EMC3: variants seen among roughly 807,000 people sequenced by gnomAD.
EMC3 encodes the protein ER membrane protein complex subunit 3, also known as 30 kDa protein.
A neutral mutation model predicts 36.6 loss-of-function variants in EMC3; 13 were observed. The ratio of observed to expected loss-of-function variants is 0.35; its 90% CI spans 0.23 to 0.56. The LOEUF (loss-of-function observed/expected upper bound fraction) is 0.56. EMC3 is among the 20% of genes least tolerant of loss of function. The pLI is 0.84. For missense variants in EMC3, 220 were observed against 324.5 expected (o/e 0.68, Z 2.47); for synonymous variants, 120 against 111.9 (o/e 1.07, Z -0.46).
intron 1 of EMC3, among the ~76,000 whole-genome samples, chr3:9,981,274 G>A (rs1045743919): frequency 6.6e-6 from 1 of 152,138 alleles, no homozygotes; most frequent in Non-Finnish European, 1.5e-5. Context: ...TCCAGTCTAC[G>A]ATAACTCAAG....
At chr3:9,969,478 A>G (rs2085763572) in intron 7 of EMC3, 1 of 1,400,650 alleles carries the variant, frequency 7.1e-7, no homozygotes, top group Admixed American at 2.8e-5. Flanking sequence ...TTACAGCATC[A>G]TTGATAGTGT....
At chr3:10,008,212 C>A (rs1230791703) in intron 1 of EMC3, 2 of 374,182 alleles carry the variant, frequency 5.3e-6, no homozygotes, top group Non-Finnish European at 1.1e-5. Flanking sequence ...ATTCCCCAGG[C>A]GTGGCTTTTA....
chr3:9,987,156 G>C (rs2085985125), upstream of EMC3: 1 of 876,168 alleles, frequency 1.1e-6, no homozygotes, highest in South Asian at 5.0e-5. Flanking sequence ...GGAGCCTGCA[G>C]TGAGCCGAGA....
At chr3:9,974,573 T>G (rs1208660053) in intron 3 of EMC3, 85 bp from the exon 4 acceptor site, 2 of 944,974 alleles carry the variant, frequency 2.1e-6, no homozygotes, top group African/African-American at 3.3e-5. Flanking sequence ...AACTGTTTTT[T>G]TTTGAGACGG....
At chr3:9,973,364 T>G in intron 5 of EMC3, 1 of 288,322 alleles carries the variant, frequency 3.5e-6, no homozygotes. Flanking sequence ...CTGGCTAAGT[T>G]TTTGTATTTT....
At chr3:9,985,871 G>A (rs2085965663) in intron 1 of EMC3, among the ~76,000 whole-genome samples, 2 of 152,160 alleles carry the variant, frequency 1.3e-5, no homozygotes, top group Non-Finnish European at 2.9e-5. Flanking sequence ...TCCAGCCTGG[G>A]CAACGAGAGC....
chr3:9,995,002 C>T (rs909916632), intron 1 of EMC3, among the ~76,000 whole-genome samples: 1 of 151,704 alleles, frequency 6.6e-6, no homozygotes, highest in Non-Finnish European at 1.5e-5. Flanking sequence ...AATGTTAAAA[C>T]GCATCTGAAT....
rs80142883 is a variant in EMC3 at position 9,964,057 on chromosome 3, C to T, written c.*12G>A. 25,222 of 1,613,758 alleles carry T rather than the reference C, an allele frequency of 0.016. 305 individuals are homozygous for T. Among genetic ancestry groups the T allele is most frequent in the South Asian group, 0.044 (4,002 of 91,032 alleles). On this transcript the variant is annotated 3_prime_UTR_variant, in exon 8 of 8. Transcript: ENST00000245046. ...CTCCAAGTTCCTGACACAGCTAATC[C>T]CTGCTCGGTCTTCAAAAAATAGAGG...
intron 7 of EMC3, among the ~76,000 whole-genome samples, chr3:9,967,972 A>T (rs1449958097): frequency 6.6e-6 from 1 of 152,174 alleles, no homozygotes; most frequent in East Asian, 1.9e-4. Context: ...ACCAGGCTGG[A>T]GTCTAGTGGC....
At chr3:9,996,306 G>A (rs1341087668) in intron 1 of EMC3, among the ~76,000 whole-genome samples, 2 of 152,078 alleles carry the variant, frequency 1.3e-5, no homozygotes, top group Non-Finnish European at 2.9e-5. Flanking sequence ...TTAGCCAGGT[G>A]TGGTGGCACA....
chr3:10,007,473 G>A (rs1171934337), intron 1 of EMC3: 1 of 1,367,590 alleles, frequency 7.3e-7, no homozygotes, highest in Non-Finnish European at 9.8e-7. Flanking sequence ...GCTGTCTAGT[G>A]TGGCATTGGC....
At chr3:9,977,195 A>G (rs1265046990) in intron 2 of EMC3, 145 bp from the exon 3 acceptor site, 3 of 855,080 alleles carry the variant, frequency 3.5e-6, no homozygotes, top group Non-Finnish European at 5.4e-6. Context: ...GCGACCTGAC[A>G]CTTTAGCTGA....
chr3:10,009,798 TG>T (rs2086304103), intron 1 of EMC3: 1 of 152,098 alleles, frequency 6.6e-6, no homozygotes, highest in African/African-American at 2.4e-5. Flanking sequence ...ATCAGAAGGG[TG>T]TCTGTGTAGC....
At chr3:9,987,636 G>T (rs73120361), upstream of EMC3, among the ~76,000 whole-genome samples, 23 of 152,096 alleles carry the variant, frequency 1.5e-4, no homozygotes, top group African/African-American at 5.1e-4. Context: ...AAGAGGAAAT[G>T]GAGCTATTCA....
At chr3:9,987,790 A>G (rs919998893), upstream of EMC3, 12 of 503,572 alleles carry the variant, frequency 2.4e-5, no homozygotes, top group African/African-American at 2.0e-5. Flanking sequence ...AAAATGTCCA[A>G]CGTTTAAAAT....
intron 1 of EMC3, among the ~76,000 whole-genome samples, chr3:10,002,079 G>A (rs763133472): frequency 1.1e-5 from 1 of 92,404 alleles, no homozygotes; most frequent in Non-Finnish European, 2.2e-5. Context: ...TGGCAATTTG[G>A]GGGTCCCTTG....
intron 5 of EMC3, among the ~76,000 whole-genome samples, chr3:9,973,264 AGCTCACTGCAAGCTCC>A (rs766579303): frequency 2.7e-5 from 4 of 150,478 alleles, no homozygotes; most frequent in Non-Finnish European, 4.4e-5. Flanking sequence ...GCGCAATCTC[AGCTCACTGCAAGCTCC>A]GCCTCCTGGG....
intron 1 of EMC3, among the ~76,000 whole-genome samples, chr3:9,981,951 T>A (rs979027801): frequency 6.2e-4 from 56 of 90,920 alleles, no homozygotes; most frequent in Admixed American, 1.0e-3. Context: ...TAAAAAAAAT[T>A]TTTTTTTTTT....
rs143221358 is a variant in EMC3 at position 10,007,289 on chromosome 3, G to T, written c.-242+3734C>A. 33 of 1,269,088 alleles carry T rather than the reference G, an allele frequency of 2.6e-5. No homozygotes were observed. The East Asian group carries it at 5.3e-4, about 20-fold the overall frequency. 78.6% of individuals were successfully genotyped at this position (1,269,088 alleles called of 1,614,324 possible). On this transcript the variant is annotated intron_variant, in intron 1 of 8. Coordinates refer to the EMC3 transcript ENST00000470827. ...GGCTTCCCCACACTCACACTACCTG[G>T]TGAACATTTTCAGAAGGACCAGCAG...
Sources: allele counts gnomAD v4.1 joint callset (sites outside exome capture counted in the v4.1 genomes callset), GRCh38; gene constraint gnomAD v4.1.1; transcripts MANE v1.5; gene names NCBI Gene and HGNC (gene_info 2026-07-23, HGNC 2026-07-21).